NPAS3: variants seen among roughly 807,000 people sequenced by gnomAD.
NPAS3 encodes neuronal PAS domain-containing protein 3.
Under a neutral mutation model 73.1 loss-of-function variants are expected in NPAS3, and 14 were observed. That is an observed-to-expected ratio of 0.19 (90% CI 0.13 to 0.30). The LOEUF is 0.30. Among genes scored for constraint, NPAS3 ranks in the 10% least tolerant of loss-of-function variants. NPAS3 has a pLI of 1.00. For missense variants in NPAS3, 1,096 were observed against 1,250.0 expected (o/e 0.88, Z 1.86); for synonymous variants, 620 against 541.5 (o/e 1.14, Z -2.01).
At chr14:33,344,280 A>G (rs1331794037) in intron 3 of NPAS3, among the ~76,000 whole-genome samples, 1 of 152,222 alleles carries the variant, frequency 6.6e-6, no homozygotes, top group Non-Finnish European at 1.5e-5. Context: ...ATTCAGTTTC[A>G]TGTGTAAAGA....
chr14:33,329,931 G>A (rs987668122), intron 3 of NPAS3, among the ~76,000 whole-genome samples: 8 of 152,110 alleles, frequency 5.3e-5, no homozygotes, highest in African/African-American at 1.7e-4. Flanking sequence ...ATCATCCCTC[G>A]TAAATGCTTT....
intron 3 of NPAS3, among the ~76,000 whole-genome samples, chr14:33,322,014 G>GA (rs747255623): frequency 1.3e-5 from 2 of 152,180 alleles, no homozygotes; most frequent in East Asian, 1.9e-4. Flanking sequence ...TGTGAGAAGG[G>GA]AAGGGGCCTG....
chr14:33,440,425 G>C (rs1166207814), intron 4 of NPAS3, among the ~76,000 whole-genome samples: 1 of 152,158 alleles, frequency 6.6e-6, no homozygotes, highest in East Asian at 1.9e-4. Context: ...ACTTTCGTTG[G>C]AGTTTCATGC....
intron 2 of NPAS3, among the ~76,000 whole-genome samples, chr14:33,136,466 G>A (rs2043843637): frequency 6.6e-6 from 1 of 152,198 alleles, no homozygotes; most frequent in South Asian, 2.1e-4. Context: ...GCTATGAGCA[G>A]TTCTATATAG....
chr14:33,606,170 C>A (rs571253353), intron 5 of NPAS3, among the ~76,000 whole-genome samples: 1 of 151,552 alleles, frequency 6.6e-6, no homozygotes, highest in Non-Finnish European at 1.5e-5. Flanking sequence ...GTGCTGCACC[C>A]ATTAACTCGT....
chr14:32,962,265 A>G (rs1391565012), intron 1 of NPAS3, among the ~76,000 whole-genome samples: 1 of 152,208 alleles, frequency 6.6e-6, no homozygotes, highest in African/African-American at 2.4e-5. Flanking sequence ...TGAAAAACGT[A>G]AGACTAGATT....
At chr14:33,017,580 A>G (rs2039439768) in intron 1 of NPAS3, among the ~76,000 whole-genome samples, 1 of 152,134 alleles carries the variant, frequency 6.6e-6, no homozygotes, top group Admixed American at 6.6e-5. Context: ...AGTCCCATTT[A>G]TTCATGTTTT....
intron 1 of NPAS3, among the ~76,000 whole-genome samples, chr14:32,994,636 G>GT (rs35991922): frequency 0.28 from 38,068 of 135,114 alleles, 5,881 homozygotes; most frequent in East Asian, 0.4. Flanking sequence ...GTTTGTTTTT[G>GT]TTTTTTTTTT....
At chr14:32,961,709 A>T (rs1027224194) in intron 1 of NPAS3, among the ~76,000 whole-genome samples, 2 of 152,136 alleles carry the variant, frequency 1.3e-5, no homozygotes, top group African/African-American at 4.8e-5. Flanking sequence ...AGAGCTTTAC[A>T]TACATTATCT....
intron 4 of NPAS3, among the ~76,000 whole-genome samples, chr14:33,402,210 T>C (rs1318828768): frequency 6.6e-6 from 1 of 152,066 alleles, no homozygotes; most frequent in Admixed American, 6.6e-5. Context: ...AAAGCAACAT[T>C]TGCTCAGTTT....
chr14:33,156,004 C>T (rs1252118501), intron 2 of NPAS3, among the ~76,000 whole-genome samples: 7 of 151,756 alleles, frequency 4.6e-5, no homozygotes, highest in Admixed American at 3.9e-4. Context: ...TAGATCACCA[C>T]TTAGTGAAGA....
At chr14:33,509,361 C>A (rs1224639330) in intron 4 of NPAS3, among the ~76,000 whole-genome samples, 1 of 151,672 alleles carries the variant, frequency 6.6e-6, no homozygotes, top group Non-Finnish European at 1.5e-5. Flanking sequence ...TTCTCTTCTC[C>A]TCTATTCCAT....
intron 1 of NPAS3, among the ~76,000 whole-genome samples, chr14:33,001,173 T>A (rs1437465653): frequency 6.6e-6 from 1 of 152,212 alleles, no homozygotes; most frequent in Non-Finnish European, 1.5e-5. Context: ...CATTCTAGGT[T>A]CTAGGAGTCT....
At chr14:33,624,023 G>A (rs1047052815) in intron 5 of NPAS3, among the ~76,000 whole-genome samples, 2 of 152,126 alleles carry the variant, frequency 1.3e-5, no homozygotes, top group South Asian at 2.1e-4. Flanking sequence ...AACATGCTCC[G>A]TGAAGTTTCT....
chr14:32,951,984 T>C (rs2036501490), intron 1 of NPAS3, among the ~76,000 whole-genome samples: 1 of 152,060 alleles, frequency 6.6e-6, no homozygotes, highest in Non-Finnish European at 1.5e-5. Context: ...GAGGTATCAC[T>C]TATTTATGGT....
intron 3 of NPAS3, among the ~76,000 whole-genome samples, chr14:33,324,896 T>C (rs2043622078): frequency 6.6e-6 from 1 of 152,160 alleles, no homozygotes; most frequent in Non-Finnish European, 1.5e-5. Flanking sequence ...GTGTCCATGA[T>C]TTTCAAAGCC....
chr14:33,271,753 C>T (rs2041095435), intron 3 of NPAS3, among the ~76,000 whole-genome samples: 1 of 152,106 alleles, frequency 6.6e-6, no homozygotes, highest in East Asian at 1.9e-4. Flanking sequence ...TTCTATCTCA[C>T]CTTCCTCTGT....
intron 2 of NPAS3, among the ~76,000 whole-genome samples, chr14:33,205,390 A>G (rs1261629856): frequency 6.6e-6 from 1 of 152,046 alleles, no homozygotes; most frequent in Admixed American, 6.6e-5. Context: ...ATACTTGGTT[A>G]TTTTTTCGTA....
chr14:33,571,139 G>A (rs2056192270), intron 5 of NPAS3, among the ~76,000 whole-genome samples: 1 of 152,214 alleles, frequency 6.6e-6, no homozygotes, highest in Admixed American at 6.5e-5. Context: ...TTGTCTGTTA[G>A]ACATTGAGTC....
Sources: gnomAD v4.1 joint callset for allele counts (sites outside exome capture counted in the v4.1 genomes callset) on GRCh38, gnomAD v4.1.1 for gene constraint, MANE v1.5 for transcripts, NCBI Gene and HGNC (gene_info 2026-07-23, HGNC 2026-07-21) for gene names.